Variants in LRRC4C observed in about 807,000 individuals in gnomAD.
LRRC4C encodes the protein leucine rich repeat containing 4C, also known as leucine-rich repeat-containing protein 4C.
Under a neutral mutation model 33.6 loss-of-function variants are expected in LRRC4C, and 5 were observed. The observed-to-expected ratio is 0.15, with a 90% CI of 0.08 to 0.31. The LOEUF (loss-of-function observed/expected upper bound fraction) is 0.31, where lower values mean the gene tolerates loss of function less well. Ranked by LOEUF, LRRC4C falls within the 10% of genes least tolerant of loss-of-function variation. The pLI is 1.00. For missense variants in LRRC4C, 560 were observed against 796.7 expected, an observed-to-expected ratio of 0.70 and a Z score of 3.58; for synonymous variants, 329 against 302.0, an observed-to-expected ratio of 1.09 and a Z score of -0.93.
intron 1 of LRRC4C, among the ~76,000 whole-genome samples, chr11:41,279,428 A>ACACACACCCC (rs58139193): frequency 0.015 from 2,156 of 140,834 alleles, 31 homozygotes; most frequent in Middle Eastern, 0.018. Flanking sequence ...ACACACACAC[A>ACACACACCCC]CCGTGGCAAT....
chr11:41,318,755 G>A (rs1950869212), intron 1 of LRRC4C, among the ~76,000 whole-genome samples: 1 of 151,850 alleles, frequency 6.6e-6, no homozygotes, highest in African/African-American at 2.4e-5. Context: ...GTCTGTGTTT[G>A]TGTGTTTATT....
At chr11:40,330,888 T>A (rs1946331885) in intron 3 of LRRC4C, among the ~76,000 whole-genome samples, 1 of 152,200 alleles carries the variant, frequency 6.6e-6, no homozygotes, top group Non-Finnish European at 1.5e-5. Flanking sequence ...TAAATTACTG[T>A]TAACTATAGT....
intron 4 of LRRC4C, among the ~76,000 whole-genome samples, chr11:40,297,330 G>A (rs1038629571): frequency 6.6e-6 from 1 of 152,016 alleles, no homozygotes; most frequent in Non-Finnish European, 1.5e-5. Context: ...AATATCCTCC[G>A]GGATAATCGT....
intron 3 of LRRC4C, among the ~76,000 whole-genome samples, chr11:40,443,592 G>C (rs1951492733): frequency 6.6e-6 from 1 of 152,116 alleles, no homozygotes; most frequent in Admixed American, 6.6e-5. Context: ...TCTCAGTAAA[G>C]TACCCTGAGG....
chr11:41,001,136 AAAGAT>A (rs1854346896), intron 1 of LRRC4C, among the ~76,000 whole-genome samples: 1 of 152,168 alleles, frequency 6.6e-6, no homozygotes, highest in Admixed American at 6.6e-5. Flanking sequence ...TGATTAAAAA[AAAGAT>A]AAATCACAAT....
chr11:41,139,369 T>C (rs1943405649), intron 1 of LRRC4C, among the ~76,000 whole-genome samples: 1 of 152,198 alleles, frequency 6.6e-6, no homozygotes, highest in South Asian at 2.1e-4. Context: ...CATTTGATCT[T>C]TCAGTGATAA....
chr11:40,351,413 C>A (rs1947378715), intron 3 of LRRC4C, among the ~76,000 whole-genome samples: 2 of 151,734 alleles, frequency 1.3e-5, no homozygotes, highest in Non-Finnish European at 2.9e-5. Context: ...TTTATTAGGT[C>A]CTTTAGGTCT....
chr11:40,291,582 G>A (rs985346169), intron 4 of LRRC4C, among the ~76,000 whole-genome samples: 4 of 152,122 alleles, frequency 2.6e-5, no homozygotes, highest in African/African-American at 9.7e-5. Flanking sequence ...GTGAACCCGG[G>A]TAATCTGAAG....
At position 40,620,866 on chromosome 11, in the gene LRRC4C, T is replaced by C. The variant is rs1962383268; in HGVS notation, c.-270+27276A>G. Among the ~76,000 whole-genome samples the C allele has an allele frequency of 2.0e-5, 3 of 151,790 alleles. No individual in the cohort carries two copies. In the South Asian group the frequency reaches 6.2e-4, roughly 31 times the overall value. On this transcript the variant is annotated intron_variant, in intron 3 of 6. Transcript: ENST00000528697. ...TATCTGAATCTTTGCACTGTAAATG[T>C]ATGAGGATATGGAGCAATAATATTT...
rs146940534 is a variant in LRRC4C at position 40,906,394 on chromosome 11, C to G, written c.-407+27241G>C. On this transcript the variant is annotated intron_variant, in intron 2 of 6. Coordinates refer to ENST00000528697, the MANE Select transcript of LRRC4C (RefSeq NM_001258419.2). ...GGCATGGTGCCATGCGCCTGTAATC[C>G]CAGCTACTCGGGAGGCTGAGGTGGG... Among the ~76,000 whole-genome samples, 9 of 152,184 alleles carry G rather than the reference C, an allele frequency of 5.9e-5. No homozygotes were observed. In the East Asian group the frequency reaches 1.7e-3, roughly 30 times the overall value.
At chr11:40,478,343 C>T (rs1266802794) in intron 3 of LRRC4C, among the ~76,000 whole-genome samples, 1 of 152,098 alleles carries the variant, frequency 6.6e-6, no homozygotes, top group African/African-American at 2.4e-5. Flanking sequence ...GGAAAGTTAT[C>T]CTATTAATTC....
chr11:41,010,443 C>A (rs900100771), intron 1 of LRRC4C, among the ~76,000 whole-genome samples: 1 of 152,122 alleles, frequency 6.6e-6, no homozygotes, highest in Non-Finnish European at 1.5e-5. Context: ...ATATACCAGG[C>A]ATTCAAATGC....
chr11:40,820,287 C>G (rs998512447), intron 2 of LRRC4C, among the ~76,000 whole-genome samples: 2 of 151,786 alleles, frequency 1.3e-5, no homozygotes, highest in Non-Finnish European at 2.9e-5. Context: ...GGAAGCAAGA[C>G]AGCAATAAAT....
chr11:40,633,323 C>T (rs1029557958), intron 3 of LRRC4C, among the ~76,000 whole-genome samples: 1 of 92,270 alleles, frequency 1.1e-5, no homozygotes, highest in Admixed American at 1.2e-4. Context: ...GCCAAGTTTT[C>T]TTTTTCTTTC....
intron 1 of LRRC4C, among the ~76,000 whole-genome samples, chr11:41,329,174 A>G (rs1361268438): frequency 6.6e-6 from 1 of 152,182 alleles, no homozygotes; most frequent in East Asian, 1.9e-4. Flanking sequence ...GAATATGCTA[A>G]CTTTCTAAAT....
intron 1 of LRRC4C, among the ~76,000 whole-genome samples, chr11:41,304,178 G>A (rs1382083964): frequency 5.6e-5 from 6 of 107,606 alleles, no homozygotes; most frequent in Non-Finnish European, 6.5e-5. Context: ...AGGTGGGGGG[G>A]TCAGCCCCCC....
At chr11:41,279,379 CA>C (rs1319235497) in intron 1 of LRRC4C, among the ~76,000 whole-genome samples, 1 of 110,456 alleles carries the variant, frequency 9.1e-6, no homozygotes, top group African/African-American at 4.4e-5. Context: ...TACACACACA[CA>C]AACACACACA....
At chr11:40,312,890 C>A (rs1945383093) in intron 4 of LRRC4C, among the ~76,000 whole-genome samples, 1 of 152,142 alleles carries the variant, frequency 6.6e-6, no homozygotes, top group Admixed American at 6.5e-5. Flanking sequence ...CTCTCCCAAG[C>A]AACATCTTGA....
intron 1 of LRRC4C, among the ~76,000 whole-genome samples, chr11:41,395,387 G>T (rs546270179): frequency 1.3e-5 from 2 of 152,062 alleles, no homozygotes; most frequent in South Asian, 2.1e-4. Flanking sequence ...GTCTGGAGAC[G>T]TGTGGGTTAT....
Sources: gnomAD v4.1 joint callset for allele counts (sites outside exome capture counted in the v4.1 genomes callset) on GRCh38, gnomAD v4.1.1 for gene constraint, MANE v1.5 for transcripts, NCBI Gene and HGNC (gene_info 2026-07-23, HGNC 2026-07-21) for gene names.